FAM20C: variants seen among roughly 807,000 people sequenced by gnomAD.
FAM20C encodes FAM20C golgi associated secretory pathway kinase.
Under a neutral mutation model 51.5 loss-of-function variants are expected in FAM20C, and 40 were observed. The observed-to-expected ratio is 0.78, with a 90% CI of 0.60 to 1.01. The LOEUF (loss-of-function observed/expected upper bound fraction) is 1.01, where lower values mean the gene tolerates loss of function less well. Ranked by LOEUF, FAM20C falls within the 50% of genes least tolerant of loss-of-function variation. The pLI, the probability that FAM20C is intolerant of heterozygous loss-of-function variation, is 0.00. For synonymous variants in FAM20C, 406 were observed against 380.6 expected (o/e 1.07, Z -0.78); for missense variants, 861 against 844.7 (o/e 1.02, Z -0.24).
At chr7:259,580 G>GTCTGTCTT in intron 9 of FAM20C, 151 bp from the exon 10 acceptor site, 2 of 369,708 alleles carry the variant, frequency 5.4e-6, no homozygotes, top group Non-Finnish European at 7.2e-6. Flanking sequence ...CTCTGTGTAT[G>GTCTGTCTT]TCTCTGTCTT....
At chr7:222,916 A>C (rs559641101) in intron 3 of FAM20C, among the ~76,000 whole-genome samples, 2 of 151,376 alleles carry the variant, frequency 1.3e-5, no homozygotes, top group African/African-American at 2.4e-5. Flanking sequence ...AAGGGTGTGC[A>C]TGTGTGGGTG....
intron 2 of FAM20C, among the ~76,000 whole-genome samples, chr7:202,258 T>C (rs1786164146): frequency 1.3e-5 from 2 of 151,332 alleles, no homozygotes; most frequent in African/African-American, 4.9e-5. Context: ...CCCGTGTGCA[T>C]AGAGAGGACA....
intron 4 of FAM20C, 28 bp downstream of exon 4, chr7:246,535 G>GAGA: frequency 2.1e-6 from 3 of 1,442,554 alleles, no homozygotes; most frequent in South Asian, 1.3e-5. Flanking sequence ...CCCTCCATCC[G>GAGA]CGCTCCCGTG....
chr7:224,101 G>A lies in FAM20C; in HGVS notation c.863+15125G>A, dbSNP rs1175853761. Among the ~76,000 whole-genome samples the A allele has an allele frequency of 4.7e-5, 7 of 147,636 alleles. No individual in the cohort carries two copies. The East Asian group carries it at 1.2e-3, about 26-fold the overall frequency. On this transcript the variant is annotated intron_variant, in intron 3 of 9. Coordinates refer to ENST00000313766, the MANE Select transcript of FAM20C (RefSeq NM_020223.4). ...GGGTCGCACGGCGGCTGTCCCCTGA[G>A]CCTTCTCTCACAGAGCAGAACGGCA...
chr7:210,626 A>G (rs1209003093), intron 3 of FAM20C, among the ~76,000 whole-genome samples: 1 of 152,022 alleles, frequency 6.6e-6, no homozygotes, highest in Non-Finnish European at 1.5e-5. Context: ...CAGCCTCGCA[A>G]ATGTTTCCAG....
At chr7:204,594 G>C (rs1303323345) in intron 2 of FAM20C, among the ~76,000 whole-genome samples, 1 of 152,272 alleles carries the variant, frequency 6.6e-6, no homozygotes, top group Admixed American at 6.5e-5. Context: ...AGTGGCCATC[G>C]CTGTGGAGAG....
At chr7:204,746 G>T (rs141817971) in intron 2 of FAM20C, among the ~76,000 whole-genome samples, 48 of 152,344 alleles carry the variant, frequency 3.2e-4, no homozygotes, top group African/African-American at 1.1e-3. Flanking sequence ...GCCATGGTGA[G>T]TCCCCACATT....
chr7:194,027 G>T, intron 1 of FAM20C: 1 of 664,892 alleles, frequency 1.5e-6, no homozygotes, highest in South Asian at 3.6e-5. Context: ...GTGCCCTGTG[G>T]CTGCTGGTGA....
chr7:202,845 C>G (rs542965597), intron 2 of FAM20C, among the ~76,000 whole-genome samples: 1 of 151,478 alleles, frequency 6.6e-6, no homozygotes, highest in South Asian at 2.1e-4. Context: ...GTGTGCATAG[C>G]GAGGACGGGT....
At position 192,996 on chromosome 7, in the gene FAM20C, G is replaced by A. The variant is rs1312804369; in HGVS notation, c.-204G>A. On this transcript the variant is annotated 5_prime_UTR_variant, in exon 1 of 10. Transcript: ENST00000313766. ...GGCCGCTCCGGAGAGGCCGAGCGGGGACGGGCCCGAGATGGCGCGGGGACC... is the reference window on the plus strand; with the variant it reads ...GGCCGCTCCGGAGAGGCCGAGCGGGAACGGGCCCGAGATGGCGCGGGGACC... 5 of 217,976 alleles carry A rather than the reference G, an allele frequency of 2.3e-5. No individual in the cohort carries two copies. Among genetic ancestry groups the A allele is most frequent in the Non-Finnish European group, 3.4e-5 (4 of 118,048 alleles). 13.5% of individuals were successfully genotyped at this position (217,976 alleles called of 1,614,324 possible). A position where few individuals can be genotyped will look rare whatever the true frequency, so the allele number is the denominator to read the frequency against.
At chr7:213,630 C>A (rs557000332) in intron 3 of FAM20C, among the ~76,000 whole-genome samples, 1 of 152,318 alleles carries the variant, frequency 6.6e-6, no homozygotes, top group South Asian at 2.1e-4. Context: ...CTTTGAGCAA[C>A]CGTGTATGAG....
chr7:249,650 G>A (rs976604084), intron 5 of FAM20C, among the ~76,000 whole-genome samples: 1 of 152,186 alleles, frequency 6.6e-6, no homozygotes, highest in Non-Finnish European at 1.5e-5. Flanking sequence ...TGAGGCAGGA[G>A]GATTGCTTGA....
intron 3 of FAM20C, among the ~76,000 whole-genome samples, chr7:217,257 C>T (rs755251908): frequency 1.1e-4 from 17 of 152,060 alleles, no homozygotes. Flanking sequence ...GGGCCTTCTG[C>T]GGGACCTGTG....
chr7:212,172 C>G (rs1447486560), intron 3 of FAM20C, among the ~76,000 whole-genome samples: 1 of 152,220 alleles, frequency 6.6e-6, no homozygotes, highest in Non-Finnish European at 1.5e-5. Flanking sequence ...ATTAATAGTT[C>G]TCTTTAAAGG....
intron 5 of FAM20C, among the ~76,000 whole-genome samples, chr7:255,590 T>C (rs1167946637): frequency 1.3e-5 from 2 of 152,322 alleles, no homozygotes; most frequent in East Asian, 3.9e-4. Flanking sequence ...AGGGTTTCCA[T>C]AGACCAGCCC....
rs1180659800 is a variant in FAM20C, at chr7:256,066, C to G, written c.1253+37C>G. On this transcript the variant is annotated intron_variant, in intron 6 of 9. Transcript: ENST00000313766. ...GCCGGGGGGCTGGCGTCCGGCCACC[C>G]TACGGCAGAGGGAGCTGGGCCTGGG... is the stretch of plus-strand genomic sequence containing the variant. The G allele has an allele frequency of 3.3e-6, 5 of 1,526,438 alleles. No homozygotes were observed. The East Asian group carries it at 7.4e-5, about 22-fold the overall frequency. 94.6% of individuals were successfully genotyped at this position (1,526,438 alleles called of 1,614,324 possible).
At chr7:240,328 A>T (rs1477435178) in intron 3 of FAM20C, among the ~76,000 whole-genome samples, 4 of 184 alleles carry the variant, frequency 0.022, no homozygotes, top group African/African-American at 0.028. Flanking sequence ...ATGGTGGTGG[A>T]GGTGATGATT....
intron 9 of FAM20C, among the ~76,000 whole-genome samples, 161 bp from the exon 10 acceptor site, chr7:259,568 TTC>T (rs1788797600): frequency 4.9e-5 from 2 of 40,946 alleles, no homozygotes. Flanking sequence ...GTGTCTCTCT[TTC>T]TCTGTGTATG....
intron 5 of FAM20C, among the ~76,000 whole-genome samples, chr7:249,744 A>AAAAAG (rs376191529): frequency 5.9e-5 from 9 of 152,284 alleles, no homozygotes; most frequent in Non-Finnish European, 1.2e-4. Flanking sequence ...TGTCTCAAAA[A>AAAAAG]AAAAGAAAAG....
Sources: allele counts gnomAD v4.1 joint callset (sites outside exome capture counted in the v4.1 genomes callset), GRCh38; gene constraint gnomAD v4.1.1; transcripts MANE v1.5; gene names NCBI Gene and HGNC (gene_info 2026-07-23, HGNC 2026-07-21).